The following USP40 variants were observed in gnomAD, a reference collection of about 807,000 sequenced individuals.
The protein encoded by USP40 is ubiquitin specific peptidase 40.
Under a neutral mutation model 166.2 loss-of-function variants are expected in USP40, and 143 were observed. The observed-to-expected ratio is 0.86, with a 90% CI of 0.75 to 0.99. USP40 has a LOEUF of 0.99. Ranked by LOEUF, USP40 falls within the 50% of genes least tolerant of loss-of-function variation. The pLI, the probability that USP40 is intolerant of heterozygous loss-of-function variation, is 0.00. For synonymous variants in USP40, 498 were observed against 524.0 expected, an observed-to-expected ratio of 0.95 and a Z score of 0.68; for missense variants, 1,444 against 1,479.7, an observed-to-expected ratio of 0.98 and a Z score of 0.40.
rs372317045 is a variant in USP40 at position 233,529,461 on chromosome 2, T to C, written c.1523A>G (p.Asp508Gly). 1 of 1,581,634 alleles carries C rather than the reference T, an allele frequency of 6.3e-7. No homozygotes were observed. The highest frequency in any genetic ancestry group is 8.6e-7 in the Non-Finnish European group (1 of 1,161,758). ...GVPCHLLNEMDAANIELQTKR... is the reference protein window; with the variant it reads ...GVPCHLLNEMGAANIELQTKR... Reference sequence around the variant, plus strand: ...GGTTTGCAGTTCAATGTTAGCTGCATCCATTTCATTCAGTAAATGACATGG... The same window carrying C: ...GGTTTGCAGTTCAATGTTAGCTGCACCCATTTCATTCAGTAAATGACATGG... Residue 508 changes from aspartate (D) to glycine (G), a missense_variant, in exon 12 of 32, where the codon GAT becomes GGT. Coordinates refer to ENST00000678225, the MANE Select transcript of USP40 (RefSeq NM_001365479.2).
At chr2:233,554,675 G>T in intron 5 of USP40, 149 bp from the exon 6 acceptor site, 1 of 526,738 alleles carries the variant, frequency 1.9e-6, no homozygotes, top group Non-Finnish European at 3.0e-6. Context: ...ATGTTGTGAA[G>T]TTCATAACAC....
Position 233,511,736 on chromosome 2 carries a change from A to G in USP40, c.2499T>C (p.Cys833=), listed in dbSNP as rs2066854580. 6.2e-7 allele frequency: 1 copy of G among 1,612,318 alleles called. No individual in the cohort carries two copies. Among genetic ancestry groups the G allele is most frequent in the African/African-American group, 1.3e-5 (1 of 75,008 alleles). The part of the protein sequence containing the change: ...ELKMGSSLGL[C]LGKAPSSSQL... Reference sequence around the variant, plus strand: ...GAGACGAACTTGGTGCTTTTCCAAGACACAGTCCCAATGAACTTCCCATCT... The same window carrying G: ...GAGACGAACTTGGTGCTTTTCCAAGGCACAGTCCCAATGAACTTCCCATCT... Residue 833 remains cysteine (C), a synonymous_variant, in exon 20 of 32, where the codon TGT becomes TGC. Transcript: ENST00000678225.
At chr2:233,494,919 TATATATATATATATATATATA>T (rs2065587764) in intron 24 of USP40, among the ~76,000 whole-genome samples, 2 of 80,280 alleles carry the variant, frequency 2.5e-5, no homozygotes, top group Admixed American at 1.6e-4. Flanking sequence ...AAATGGCATA[TATATATATATATATATATATA>T]TATATATATA....
At chr2:233,518,342 A>G (rs860794) in intron 18 of USP40, among the ~76,000 whole-genome samples, 29,031 of 147,430 alleles carry the variant, frequency 0.2, 2,930 homozygotes, top group Non-Finnish European at 0.21. Flanking sequence ...CGAGGTGGGC[A>G]GATTACCTGA....
chr2:233,507,608 T>G (rs544808390), intron 21 of USP40, among the ~76,000 whole-genome samples: 1 of 150,022 alleles, frequency 6.7e-6, no homozygotes, highest in Admixed American at 6.6e-5. Flanking sequence ...CTCACTCATA[T>G]GTGGAATCTT....
chr2:233,486,395 G>A lies in USP40; in HGVS notation c.3198-418C>T, dbSNP rs1403469382. Among the ~76,000 whole-genome samples, 2 of 152,180 alleles carry A rather than the reference G, an allele frequency of 1.3e-5. No individual in the cohort carries two copies. Among genetic ancestry groups the A allele is most frequent in the African/African-American group, 4.8e-5 (2 of 41,440 alleles). Reference sequence around the variant, plus strand: ...TTGACTCTGGGGGCTGTAAATGTGAGCTGCCATGAGGTAGCCAGGGAGAAG... The same window carrying A: ...TTGACTCTGGGGGCTGTAAATGTGAACTGCCATGAGGTAGCCAGGGAGAAG... On this transcript the variant is annotated intron_variant, in intron 28 of 31. Coordinates refer to ENST00000678225, the MANE Select transcript of USP40 (RefSeq NM_001365479.2). This position sits in a 1 kb window ranked among gnomAD's most constrained non-coding sequence, Gnocchi z 4.0.
At chr2:233,524,905 C>T (rs1443665919) in intron 14 of USP40, among the ~76,000 whole-genome samples, 1 of 152,210 alleles carries the variant, frequency 6.6e-6, no homozygotes, top group African/African-American at 2.4e-5. Flanking sequence ...TCAAGTCTCT[C>T]AGCTTCAGTT....
chr2:233,481,863 G>A (rs147682196), intron 30 of USP40, among the ~76,000 whole-genome samples: 1 of 152,164 alleles, frequency 6.6e-6, no homozygotes, highest in Non-Finnish European at 1.5e-5. Flanking sequence ...TTTTCCACAC[G>A]CATGTTATTT....
chr2:233,561,454 A>G (rs1235485541), intron 3 of USP40, among the ~76,000 whole-genome samples: 1 of 150,746 alleles, frequency 6.6e-6, no homozygotes, highest in African/African-American at 2.4e-5. Context: ...CCTGAGAAAA[A>G]CAAGCAATGG....
At chr2:233,565,979 G>A (rs975739709) in intron 1 of USP40, among the ~76,000 whole-genome samples, 7 of 152,052 alleles carry the variant, frequency 4.6e-5, no homozygotes, top group African/African-American at 1.7e-4. Context: ...ATCCACTGCT[G>A]GGACGGCAAA....
intron 11 of USP40, among the ~76,000 whole-genome samples, chr2:233,532,364 G>T (rs923514639): frequency 2.6e-5 from 4 of 152,130 alleles, no homozygotes; most frequent in Non-Finnish European, 5.9e-5. Flanking sequence ...AGTGACCTTT[G>T]TAACTTCACT....
intron 4 of USP40, 118 bp downstream of exon 4, chr2:233,559,693 C>A (rs967285927): frequency 7.0e-6 from 4 of 574,260 alleles, no homozygotes; most frequent in African/African-American, 3.9e-5. Flanking sequence ...GAGAAGGAAA[C>A]ATTCAAACAA....
chr2:233,522,666 T>A (rs1312460280), intron 16 of USP40, among the ~76,000 whole-genome samples: 2 of 152,236 alleles, frequency 1.3e-5, no homozygotes, highest in African/African-American at 2.4e-5. Flanking sequence ...TTCATGGGGG[T>A]AATTCGCCAC....
chr2:233,477,631 C>G, intron 31 of USP40, 128 bp from the exon 32 acceptor site: 1 of 787,274 alleles, frequency 1.3e-6, no homozygotes, highest in Admixed American at 2.3e-5. Flanking sequence ...ATTGCACAGA[C>G]AGATCTCAGC....
At chr2:233,534,630 G>C (rs1407021828) in intron 10 of USP40, among the ~76,000 whole-genome samples, 5 of 152,058 alleles carry the variant, frequency 3.3e-5, no homozygotes, top group Admixed American at 3.3e-4. Context: ...AAGAGTGTAG[G>C]GCATAACCCA....
chr2:233,513,861 G>C (rs1299218935), intron 18 of USP40, among the ~76,000 whole-genome samples: 1 of 152,088 alleles, frequency 6.6e-6, no homozygotes, highest in East Asian at 1.9e-4. Flanking sequence ...TTGGAGGGGT[G>C]GGGGAAGGTT....
intron 14 of USP40, 52 bp downstream of exon 14, chr2:233,525,426 A>G: frequency 7.0e-7 from 1 of 1,431,572 alleles, no homozygotes; most frequent in Non-Finnish European, 9.8e-7. Context: ...GGTGAGCCGG[A>G]CAAAAATGTA....
At chr2:233,552,293 C>T (rs1475803703) in intron 6 of USP40, among the ~76,000 whole-genome samples, 2 of 148,660 alleles carry the variant, frequency 1.3e-5, no homozygotes, top group Admixed American at 1.3e-4. Flanking sequence ...TCTAAAAATG[C>T]ATCTAAAAAA....
At chr2:233,507,976 T>C (rs141823518) in intron 21 of USP40, among the ~76,000 whole-genome samples, 3 of 152,142 alleles carry the variant, frequency 2.0e-5, no homozygotes. Flanking sequence ...TAATTTTTTT[T>C]AAATAGTTTC....
Sources: gnomAD v4.1 joint callset for allele counts (sites outside exome capture counted in the v4.1 genomes callset) on GRCh38, gnomAD v4.1.1 for gene constraint, Gnocchi (gnomAD v3.1) non-coding constraint, MANE v1.5 for transcripts, NCBI Gene and HGNC (gene_info 2026-07-23, HGNC 2026-07-21) for gene names.